The following RBFOX1 variants were observed in gnomAD, a reference collection of about 807,000 sequenced individuals.
RBFOX1 encodes the protein RNA binding fox-1 homolog 1.
A neutral mutation model predicts 57.7 loss-of-function variants in RBFOX1; 8 were observed. The observed-to-expected ratio is 0.14, with a 90% CI of 0.08 to 0.25. The LOEUF (loss-of-function observed/expected upper bound fraction) is 0.25, where lower values mean the gene tolerates loss of function less well. RBFOX1 is among the 10% of genes least tolerant of loss of function. The probability of loss-of-function intolerance (pLI) is 1.00; values close to 1 mark genes in which losing one functional copy is unlikely to be tolerated. For missense variants in RBFOX1, 611 were observed against 548.5 expected, an observed-to-expected ratio of 1.11 and a Z score of -1.14; for synonymous variants, 326 against 222.4, an observed-to-expected ratio of 1.47 and a Z score of -4.15.
At chr16:6,115,575 C>G (rs997255481) in intron 1 of RBFOX1, among the ~76,000 whole-genome samples, 5 of 152,114 alleles carry the variant, frequency 3.3e-5, no homozygotes, top group African/African-American at 1.2e-4. Flanking sequence ...GCATGGCAGC[C>G]AGGTGGTATA....
chr16:5,490,662 C>T (rs543644633), intron 2 of RBFOX1, among the ~76,000 whole-genome samples: 2 of 152,300 alleles, frequency 1.3e-5, no homozygotes, highest in African/African-American at 2.4e-5. Flanking sequence ...CTCCGAGCAT[C>T]TCTGCAGACC....
At chr16:5,990,186 C>G (rs2060367298) in intron 4 of RBFOX1, among the ~76,000 whole-genome samples, 1 of 152,118 alleles carries the variant, frequency 6.6e-6, no homozygotes, top group South Asian at 2.1e-4. Context: ...TAGGGTCTCA[C>G]TTTGTGGCTC....
At chr16:7,114,926 T>A (rs2065564577) in intron 4 of RBFOX1, among the ~76,000 whole-genome samples, 1 of 152,130 alleles carries the variant, frequency 6.6e-6, no homozygotes, top group African/African-American at 2.4e-5. Flanking sequence ...CTGGGAAGGG[T>A]AAGATCACTT....
At chr16:6,896,134 T>G (rs573476616) in intron 3 of RBFOX1, among the ~76,000 whole-genome samples, 28 of 152,048 alleles carry the variant, frequency 1.8e-4, no homozygotes, top group African/African-American at 6.3e-4. Flanking sequence ...TTAGCTGGCA[T>G]TGGTGGTGGG....
chr16:6,260,339 T>C (rs1052685808), intron 1 of RBFOX1, among the ~76,000 whole-genome samples: 6 of 152,098 alleles, frequency 3.9e-5, no homozygotes, highest in African/African-American at 1.4e-4. Flanking sequence ...TACAGAGAAG[T>C]TTCATGACCC....
At chr16:6,986,935 C>T (rs1052381765) in intron 3 of RBFOX1, among the ~76,000 whole-genome samples, 5 of 152,114 alleles carry the variant, frequency 3.3e-5, no homozygotes, top group Admixed American at 2.6e-4. Flanking sequence ...GCTCACCTGC[C>T]CACCCCGCCT....
At chr16:7,654,406 C>T (rs3785219) in intron 12 of RBFOX1, among the ~76,000 whole-genome samples, 64,802 of 152,012 alleles carry the variant, frequency 0.43, 14,718 homozygotes, top group Non-Finnish European at 0.51. Context: ...GGTCACGAAC[C>T]TTTGCCTGCA....
At chr16:6,657,761 A>G (rs1257827017) in intron 3 of RBFOX1, among the ~76,000 whole-genome samples, 1 of 152,156 alleles carries the variant, frequency 6.6e-6, no homozygotes, top group Non-Finnish European at 1.5e-5. Flanking sequence ...CTCTTGGCCT[A>G]TGTGGATTTT....
At chr16:7,266,914 G>C (rs772282791) in intron 4 of RBFOX1, among the ~76,000 whole-genome samples, 42 of 152,186 alleles carry the variant, frequency 2.8e-4, no homozygotes, top group African/African-American at 9.4e-4. Flanking sequence ...CCTGGAGGTT[G>C]CTGGGGGGAG....
In RBFOX1 at chr16:6,779,349, A is replaced by G. The variant is rs73530713; in HGVS notation, c.-16+124699A>G. Reference sequence around the variant, plus strand: ...ATGCTGTTTGAAATGACAGGATGTCATGCTTTTTTGTGGTTGAATAATATT... The same window carrying G: ...ATGCTGTTTGAAATGACAGGATGTCGTGCTTTTTTGTGGTTGAATAATATT... On this transcript the variant is annotated intron_variant, in intron 3 of 15. Coordinates refer to ENST00000550418, the MANE Select transcript of RBFOX1 (RefSeq NM_018723.4). 2.4e-3 allele frequency among the ~76,000 whole-genome samples: 372 copies of G among 152,146 alleles called. 4 individuals carry two copies. Among genetic ancestry groups the G allele is most frequent in the African/African-American group, 5.8e-3 (242 of 41,526 alleles).
chr16:6,119,643 A>G (rs985011357), intron 1 of RBFOX1, among the ~76,000 whole-genome samples: 1 of 152,138 alleles, frequency 6.6e-6, no homozygotes, highest in African/African-American at 2.4e-5. Context: ...ATTTATTTTG[A>G]AGGTGAGCTA....
At chr16:6,700,420 G>T (rs1031687176) in intron 3 of RBFOX1, among the ~76,000 whole-genome samples, 1 of 152,028 alleles carries the variant, frequency 6.6e-6, no homozygotes, top group East Asian at 1.9e-4. Context: ...CACTTTGGGA[G>T]GCCGAAGCAG....
chr16:6,955,636 A>G (rs62017758), intron 3 of RBFOX1, among the ~76,000 whole-genome samples: 1 of 150,896 alleles, frequency 6.6e-6, no homozygotes. Flanking sequence ...GAGAAAATTA[A>G]TAGTATTTTT....
In RBFOX1 at chr16:6,854,161, G is replaced by A. The variant is rs554618568; in HGVS notation, c.-15-197896G>A. Among the ~76,000 whole-genome samples, 23 of 152,212 alleles carry A rather than the reference G, an allele frequency of 1.5e-4. No homozygotes were observed. In the South Asian group the frequency reaches 3.7e-3, roughly 25 times the overall value. On this transcript the variant is annotated intron_variant, in intron 3 of 15. Transcript: ENST00000550418. ...GCAACTCAAAATATGAGTGTCTGAC[G>A]TTTATTAGTTTCAATAACGGTTTCT...
chr16:6,042,416 A>G lies in RBFOX1; in HGVS notation c.-127+22424A>G, dbSNP rs1376581787. On this transcript the variant is annotated intron_variant, in intron 1 of 15. Coordinates refer to ENST00000550418, the MANE Select transcript of RBFOX1 (RefSeq NM_018723.4). ...GCCTGGCCCTTTCTCTTCCATTTCT[A>G]AGGTTCTCCGTGATTATACTGGACC... 2.0e-5 allele frequency among the ~76,000 whole-genome samples: 3 copies of G among 151,966 alleles called. No homozygotes were observed. In the East Asian group the frequency reaches 5.8e-4, roughly 29 times the overall value.
chr16:5,329,908 G>A (rs1480716904), intron 1 of RBFOX1, among the ~76,000 whole-genome samples: 3 of 151,986 alleles, frequency 2.0e-5, no homozygotes, highest in Admixed American at 6.6e-5. Context: ...GCGTGAATCC[G>A]GGAGGTGGAG....
At chr16:5,927,222 C>T (rs1038538418) in intron 4 of RBFOX1, among the ~76,000 whole-genome samples, 2 of 152,100 alleles carry the variant, frequency 1.3e-5, no homozygotes, top group Non-Finnish European at 2.9e-5. Flanking sequence ...TAAAAGGCTC[C>T]AAGTGTGTGA....
At chr16:6,670,144 G>C (rs949018299) in intron 3 of RBFOX1, among the ~76,000 whole-genome samples, 3 of 151,942 alleles carry the variant, frequency 2.0e-5, no homozygotes, top group Non-Finnish European at 4.4e-5. Flanking sequence ...GTACCAAGTG[G>C]GCATGTTGTA....
At chr16:5,569,145 C>T (rs756550181) in intron 2 of RBFOX1, among the ~76,000 whole-genome samples, 7 of 152,054 alleles carry the variant, frequency 4.6e-5, no homozygotes, top group South Asian at 4.2e-4. Context: ...CCACCATGCC[C>T]GGCTGACATT....
Sources: gnomAD v4.1 joint callset for allele counts (sites outside exome capture counted in the v4.1 genomes callset) on GRCh38, gnomAD v4.1.1 for gene constraint, MANE v1.5 for transcripts, NCBI Gene and HGNC (gene_info 2026-07-23, HGNC 2026-07-21) for gene names.